The following FAM169A variants were observed in gnomAD, a reference collection of about 807,000 sequenced individuals.
FAM169A encodes the protein soluble lamin-associated protein of 75 kDa.
In FAM169A, 24 loss-of-function variants were observed where a neutral mutation model predicts 75.7. That is an observed-to-expected ratio of 0.32 (90% CI 0.23 to 0.45). The LOEUF (loss-of-function observed/expected upper bound fraction) is 0.45, where lower values mean the gene tolerates loss of function less well. Among genes scored for constraint, FAM169A ranks in the 20% least tolerant of loss-of-function variants. The pLI is 1.00. For synonymous variants in FAM169A, 271 were observed against 271.0 expected (o/e 1.00, Z 0.00); for missense variants, 673 against 784.0 (o/e 0.86, Z 1.69).
chr5:74,852,637 T>C (rs1749500331), intron 1 of FAM169A, among the ~76,000 whole-genome samples: 1 of 152,020 alleles, frequency 6.6e-6, no homozygotes, highest in African/African-American at 2.4e-5. Context: ...GCTGAATGGA[T>C]GACTGAAAGT....
At chr5:74,828,624 A>G (rs949344457) in intron 5 of FAM169A, among the ~76,000 whole-genome samples, 1 of 152,198 alleles carries the variant, frequency 6.6e-6, no homozygotes, top group African/African-American at 2.4e-5. Flanking sequence ...AGAAGTAGCT[A>G]GTGTTATAAT....
chr5:74,824,654 A>C (rs1401385400), intron 5 of FAM169A, among the ~76,000 whole-genome samples: 1 of 151,226 alleles, frequency 6.6e-6, no homozygotes, highest in East Asian at 1.9e-4. Flanking sequence ...TAGTCATATA[A>C]GACTTAAGAA....
At chr5:74,825,905 G>A (rs1747999489) in intron 5 of FAM169A, among the ~76,000 whole-genome samples, 1 of 152,072 alleles carries the variant, frequency 6.6e-6, no homozygotes, top group Non-Finnish European at 1.5e-5. Context: ...CATTGTGATG[G>A]ATGCTCAATG....
intron 5 of FAM169A, among the ~76,000 whole-genome samples, chr5:74,814,736 C>T (rs1013781842): frequency 6.6e-6 from 1 of 152,136 alleles, no homozygotes; most frequent in African/African-American, 2.4e-5. Flanking sequence ...CTTTTAAGAA[C>T]CCTGCTCTAT....
chr5:74,858,563 C>G (rs1232264029), intron 1 of FAM169A, among the ~76,000 whole-genome samples: 1 of 152,096 alleles, frequency 6.6e-6, no homozygotes, highest in African/African-American at 2.4e-5. Context: ...AGGGGAACAA[C>G]AGACACCAGG....
At chr5:74,827,509 A>G (rs1748096321) in intron 5 of FAM169A, among the ~76,000 whole-genome samples, 1 of 152,036 alleles carries the variant, frequency 6.6e-6, no homozygotes, top group Non-Finnish European at 1.5e-5. Flanking sequence ...TTGTGATCCT[A>G]ATGTTCTAAG....
At chr5:74,836,257 T>C (rs1580144837) in intron 4 of FAM169A, among the ~76,000 whole-genome samples, 1 of 152,322 alleles carries the variant, frequency 6.6e-6, no homozygotes, top group East Asian at 1.9e-4. Context: ...TGGTGTACAG[T>C]TAATTTTTTG....
chr5:74,794,817 C>A (rs898051789), intron 11 of FAM169A, among the ~76,000 whole-genome samples: 1 of 149,274 alleles, frequency 6.7e-6, no homozygotes, highest in African/African-American at 2.5e-5. Context: ...ATTAGCCGGG[C>A]GTGTTGGTGT....
rs1355155328 is a variant in FAM169A, at chr5:74,778,977, A to G, written c.*2483T>C. 1 of 152,142 alleles carries G rather than the reference A, an allele frequency of 6.6e-6. No homozygotes were observed. The highest frequency in any genetic ancestry group is 1.5e-5 in the Non-Finnish European group (1 of 67,950). The allele number at this position is 152,142 out of a possible 1,614,324, so 9.4% of individuals were successfully genotyped here. Reference sequence around the variant, plus strand: ...GAAGATAAATTGTGGTATAAATTCTATACTCAAGTTACTGAACATGAGAGT... The same window carrying G: ...GAAGATAAATTGTGGTATAAATTCTGTACTCAAGTTACTGAACATGAGAGT... On this transcript the variant is annotated 3_prime_UTR_variant, in exon 13 of 13. Coordinates refer to ENST00000687041, the MANE Select transcript of FAM169A (RefSeq NM_001376049.1).
intron 4 of FAM169A, among the ~76,000 whole-genome samples, chr5:74,838,013 A>G (rs1399439457): frequency 6.6e-6 from 1 of 150,908 alleles, no homozygotes; most frequent in Admixed American, 6.6e-5. Flanking sequence ...GCTACTCGGG[A>G]GACAGAGGCA....
intron 1 of FAM169A, among the ~76,000 whole-genome samples, chr5:74,848,171 C>T (rs1298035062): frequency 6.6e-6 from 1 of 151,958 alleles, no homozygotes; most frequent in Admixed American, 6.6e-5. Context: ...AAATTTTATT[C>T]GAATTTAAAG....
At chr5:74,842,100 C>T (rs1748897740) in intron 1 of FAM169A, among the ~76,000 whole-genome samples, 1 of 150,974 alleles carries the variant, frequency 6.6e-6, no homozygotes, top group South Asian at 2.1e-4. Flanking sequence ...AGCTGCACAA[C>T]CCTATAAATT....
chr5:74,822,140 C>A (rs1747795245), intron 5 of FAM169A, among the ~76,000 whole-genome samples: 1 of 152,192 alleles, frequency 6.6e-6, no homozygotes, highest in African/African-American at 2.4e-5. Flanking sequence ...CAGATTCAAA[C>A]AGGCTACACA....
At chr5:74,789,967 G>C (rs1239252685) in intron 11 of FAM169A, among the ~76,000 whole-genome samples, 2 of 152,220 alleles carry the variant, frequency 1.3e-5, no homozygotes, top group African/African-American at 2.4e-5. Context: ...TGCCTATCAT[G>C]AACTGGGTGC....
chr5:74,811,431 G>T (rs1241510505), intron 6 of FAM169A, among the ~76,000 whole-genome samples: 5 of 152,056 alleles, frequency 3.3e-5, no homozygotes, highest in Non-Finnish European at 5.9e-5. Context: ...TGCATTTTAG[G>T]ACTATCCAAG....
intron 2 of FAM169A, among the ~76,000 whole-genome samples, chr5:74,841,134 C>T (rs1283426743): frequency 6.6e-6 from 1 of 152,062 alleles, no homozygotes; most frequent in African/African-American, 2.4e-5. Flanking sequence ...TTATAATTTA[C>T]TGACTAGAAA....
chr5:74,812,645 AC>A (rs201284593), intron 6 of FAM169A, among the ~76,000 whole-genome samples: 34 of 145,494 alleles, frequency 2.3e-4, no homozygotes, highest in East Asian at 1.8e-3. Context: ...TAAACAAATA[AC>A]CCCCCCCCAA....
At chr5:74,799,960 G>A (rs559588537) in intron 10 of FAM169A, 8 of 814,038 alleles carry the variant, frequency 9.8e-6, no homozygotes, top group African/African-American at 3.3e-5. Context: ...AAGATGCTGC[G>A]CCAGAATAGC....
intron 5 of FAM169A, among the ~76,000 whole-genome samples, chr5:74,823,138 T>G (rs964583742): frequency 3.9e-5 from 6 of 152,244 alleles, no homozygotes; most frequent in Non-Finnish European, 5.9e-5. Flanking sequence ...ATAAAATTAT[T>G]TGATAGCTTC....
Sources: allele counts gnomAD v4.1 joint callset (sites outside exome capture counted in the v4.1 genomes callset), GRCh38; gene constraint gnomAD v4.1.1; transcripts MANE v1.5; gene names NCBI Gene and HGNC (gene_info 2026-07-23, HGNC 2026-07-21).